ITFG2: variants seen among roughly 807,000 people sequenced by gnomAD.
ITFG2 encodes KICSTOR complex protein ITFG2.
Under a neutral mutation model 54.4 loss-of-function variants are expected in ITFG2, and 36 were observed. That is an observed-to-expected ratio of 0.66 (90% CI 0.51 to 0.87). The LOEUF is 0.87. Among genes scored for constraint, ITFG2 ranks in the 40% least tolerant of loss-of-function variants. ITFG2 has a pLI of 0.00. For synonymous variants in ITFG2, 211 were observed against 225.4 expected (o/e 0.94, Z 0.57); for missense variants, 524 against 576.7 (o/e 0.91, Z 0.94).
At chr12:2,827,138 C>A, downstream of ITFG2, 1 of 1,605,886 alleles carries the variant, frequency 6.2e-7, no homozygotes. The surrounding 1 kb of genome is among the most constrained non-coding windows in gnomAD (Gnocchi z 4.0). Flanking sequence ...GCTTCAAGAG[C>A]CCCCGTTCCC....
chr12:2,823,986 C>T, intron 11 of ITFG2, 43 bp downstream of exon 11: 1 of 1,612,146 alleles, frequency 6.2e-7, no homozygotes, highest in Non-Finnish European at 8.5e-7. Context: ...CCAGGAGACC[C>T]ACAGCATGCT....
downstream of ITFG2, chr12:2,825,804 C>G (rs1449900157): frequency 2.0e-5 from 3 of 152,280 alleles, no homozygotes; most frequent in Non-Finnish European, 4.4e-5. Flanking sequence ...ACTCCTTCAC[C>G]CAGGCTGGAG....
upstream of ITFG2, chr12:2,834,549 G>A (rs564856085): frequency 6.7e-7 from 1 of 1,494,148 alleles, no homozygotes; most frequent in East Asian, 2.3e-5. Context: ...GAAAGCTGAG[G>A]GTCTGCACTT....
intron 2 of ITFG2, among the ~76,000 whole-genome samples, chr12:2,852,385 G>A (rs1294432117): frequency 6.7e-6 from 1 of 149,876 alleles, no homozygotes; most frequent in Non-Finnish European, 1.5e-5. Context: ...TTTTTCTTTT[G>A]AGCTAGGGTC....
chr12:2,830,728 C>G, intron 2 of ITFG2: 1 of 1,612,828 alleles, frequency 6.2e-7, no homozygotes, highest in Non-Finnish European at 8.5e-7. Context: ...ACCAGAAGAG[C>G]TGGAATCTCT....
At chr12:2,813,607 G>A (rs1194438210) in intron 1 of ITFG2, among the ~76,000 whole-genome samples, 1 of 152,150 alleles carries the variant, frequency 6.6e-6, no homozygotes, top group Non-Finnish European at 1.5e-5. Context: ...AGGGAATAGT[G>A]TCTGATGCTC....
chr12:2,821,617 G>T (rs753071476), intron 8 of ITFG2, 21 bp downstream of exon 8: 1 of 1,614,120 alleles, frequency 6.2e-7, no homozygotes, highest in Non-Finnish European at 8.5e-7. Context: ...CTAGGATGGG[G>T]TGTGGGGGCT....
Position 2,824,330 on chromosome 12 carries a change from C to T in ITFG2, c.*137C>T, listed in dbSNP as rs980798903. 25 of 914,554 alleles carry T rather than the reference C, an allele frequency of 2.7e-5. No individual in the cohort carries two copies. The highest frequency in any genetic ancestry group is 4.0e-5 in the Non-Finnish European group (23 of 574,266). 56.7% of individuals were successfully genotyped at this position (914,554 alleles called of 1,614,324 possible). On this transcript the variant is annotated 3_prime_UTR_variant, in exon 12 of 12. Transcript: ENST00000228799. Reference sequence around the variant, plus strand: ...TGACTCTGGGCATGAAAGATGGCAGCAGCCCTAGGGTGACCGTGAACTATA... The same window carrying T: ...TGACTCTGGGCATGAAAGATGGCAGTAGCCCTAGGGTGACCGTGAACTATA...
intron 3 of ITFG2, chr12:2,859,154 C>T: frequency 6.2e-7 from 1 of 1,606,764 alleles, no homozygotes; most frequent in Admixed American, 1.7e-5. Context: ...CTCCCACTTC[C>T]TGGGAGTAGC....
At chr12:2,859,526 C>T in intron 3 of ITFG2, 1 of 1,614,074 alleles carries the variant, frequency 6.2e-7, no homozygotes, top group Non-Finnish European at 8.5e-7. Context: ...GTGGCATTTC[C>T]TCCCCAGGCT....
intron 1 of ITFG2, among the ~76,000 whole-genome samples, chr12:2,816,950 C>T (rs901581697): frequency 2.0e-5 from 3 of 152,078 alleles, no homozygotes; most frequent in Admixed American, 6.5e-5. Context: ...CTGGCCTCAC[C>T]TGGCAAATTT....
Position 2,818,358 on chromosome 12 carries a change from G to A in ITFG2, c.406+81G>A, listed in dbSNP as rs1457346873. ...AGCATATCCCAAGGGATTGGGGTGA[G>A]AGGGAGAATCCGTATTCATGTATGC... On this transcript the variant is annotated intron_variant, in intron 4 of 11. Coordinates refer to ENST00000228799, the MANE Select transcript of ITFG2 (RefSeq NM_018463.4). 6 of 1,583,844 alleles carry A rather than the reference G, an allele frequency of 3.8e-6. No homozygotes were observed. In the East Asian group the frequency reaches 9.0e-5, roughly 24 times the overall value.
At chr12:2,813,749 C>A (rs1351102040) in intron 1 of ITFG2, among the ~76,000 whole-genome samples, 1 of 152,126 alleles carries the variant, frequency 6.6e-6, no homozygotes, top group Non-Finnish European at 1.5e-5. Context: ...CCTTAACTGT[C>A]CTGTACTTAT....
chr12:2,858,032 G>T (rs1170508128), exon 3 of ITFG2: 1 of 152,760 alleles, frequency 6.5e-6, no homozygotes, highest in South Asian at 2.1e-4. Flanking sequence ...TTGGAAACAC[G>T]GGGAGGTGGC....
chr12:2,830,481 A>G, intron 2 of ITFG2: 1 of 484,216 alleles, frequency 2.1e-6, no homozygotes, highest in Non-Finnish European at 3.6e-6. Context: ...TATTTTGACC[A>G]AGGAAGGGGG....
At chr12:2,857,868 A>AT (rs1331329516) in intron 2 of ITFG2, 2 of 152,318 alleles carry the variant, frequency 1.3e-5, no homozygotes, top group Non-Finnish European at 2.9e-5. Flanking sequence ...TCTCCCTGGT[A>AT]TGATTGGGGA....
chr12:2,829,976 C>T (rs1028755389), downstream of ITFG2, among the ~76,000 whole-genome samples: 2 of 151,600 alleles, frequency 1.3e-5, no homozygotes, highest in Non-Finnish European at 2.9e-5. Flanking sequence ...ACTTAGGAGG[C>T]TGAGGCAGGA....
intron 8 of ITFG2, 31 bp from the exon 9 acceptor site, chr12:2,821,661 A>ACCCACACT (rs1182328773): frequency 6.2e-6 from 10 of 1,613,404 alleles, no homozygotes; most frequent in Non-Finnish European, 8.5e-6. Context: ...GGCCTATCCC[A>ACCCACACT]CCCACACTCA....
intron 2 of ITFG2, among the ~76,000 whole-genome samples, chr12:2,846,108 C>T (rs2153927637): frequency 6.6e-6 from 1 of 152,308 alleles, no homozygotes; most frequent in South Asian, 2.1e-4. Context: ...CGCCAGAAGC[C>T]TTACTTCTGT....
Sources: allele counts gnomAD v4.1 joint callset (sites outside exome capture counted in the v4.1 genomes callset), GRCh38; gene constraint gnomAD v4.1.1; non-coding constraint Gnocchi (gnomAD v3.1); transcripts MANE v1.5; gene names NCBI Gene and HGNC (gene_info 2026-07-23, HGNC 2026-07-21).